Variants in SLC6A6 observed in about 807,000 individuals in gnomAD.
SLC6A6 encodes sodium- and chloride-dependent taurine transporter.
A neutral mutation model predicts 68.8 loss-of-function variants in SLC6A6; 16 were observed. The observed-to-expected ratio is 0.23, with a 90% CI of 0.16 to 0.35. The LOEUF (loss-of-function observed/expected upper bound fraction) is 0.35, where lower values mean the gene tolerates loss of function less well. Ranked by LOEUF, SLC6A6 falls within the 10% of genes least tolerant of loss-of-function variation. The pLI is 1.00. For missense variants in SLC6A6, 474 were observed against 802.8 expected (o/e 0.59, Z 4.95); for synonymous variants, 312 against 315.4 (o/e 0.99, Z 0.12).
chr3:14,474,950 G>A (rs1700840253), intron 10 of SLC6A6, among the ~76,000 whole-genome samples: 1 of 152,348 alleles, frequency 6.6e-6, no homozygotes, highest in African/African-American at 2.4e-5. Flanking sequence ...ATACTGCTGC[G>A]CCTTTCTTGG....
intron 9 of SLC6A6, among the ~76,000 whole-genome samples, chr3:14,471,185 G>A (rs116756782): frequency 0.015 from 1,954 of 126,378 alleles, 44 homozygotes; most frequent in African/African-American, 0.056. Context: ...TGCTGCCCTC[G>A]CTTCTCAGAC....
rs555568772 is a variant in SLC6A6, at chr3:14,444,305, C to T, written c.229+442C>T. On this transcript the variant is annotated intron_variant, in intron 3 of 14. Transcript: ENST00000622186. ...ACTCCAGAAAGCAAATTCTGTTACCCGCTGTAGATGGAAAACTGGTATCAT... is the reference window on the plus strand; with the variant it reads ...ACTCCAGAAAGCAAATTCTGTTACCTGCTGTAGATGGAAAACTGGTATCAT... 2.6e-4 allele frequency: 48 copies of T among 187,050 alleles called. No individual in the cohort carries two copies. The South Asian group carries it at 3.6e-3, about 14-fold the overall frequency. The allele number at this position is 187,050 out of a possible 1,614,324, so 11.6% of individuals were successfully genotyped here.
At chr3:14,467,790 C>T in intron 7 of SLC6A6, 63 bp from the exon 8 acceptor site, 1 of 1,014,344 alleles carries the variant, frequency 9.9e-7, no homozygotes, top group Non-Finnish European at 1.5e-6. Flanking sequence ...CTCGCTGCCT[C>T]CTCCAGGAAG....
rs2124967100 is a variant in SLC6A6, at chr3:14,458,007, C to T, written c.657C>T (p.Asp219=). The change falls in exon 6 of 15, where the codon GAC becomes GAT. Residue 219 remains aspartate (D), a synonymous_variant. Transcript: ENST00000622186. The stretch of plus-strand genomic sequence containing the variant: ...ACCACCCAGGCTCTCTGAAATGGGA[C>T]CTCGCTCTCTGCCTTCTTTTAGTCT... The part of the protein sequence containing the change: ...GIDHPGSLKW[D]LALCLLLVWL... The T allele has an allele frequency of 6.2e-7, 1 of 1,613,744 alleles. No individual in the cohort carries two copies. Among genetic ancestry groups the T allele is most frequent in the Non-Finnish European group, 8.5e-7 (1 of 1,179,608 alleles).
At chr3:14,460,539 C>T (rs935861485) in intron 6 of SLC6A6, among the ~76,000 whole-genome samples, 1 of 152,114 alleles carries the variant, frequency 6.6e-6, no homozygotes, top group Non-Finnish European at 1.5e-5. Context: ...GTGTGTTTGA[C>T]CCAGACCCTT....
At chr3:14,427,110 G>A (rs1015635040) in intron 2 of SLC6A6, among the ~76,000 whole-genome samples, 1 of 144,916 alleles carries the variant, frequency 6.9e-6, no homozygotes, top group African/African-American at 2.9e-5. Context: ...GGTGTCTTCC[G>A]CACTCTCTGG....
chr3:14,484,993 G>A lies in SLC6A6; in HGVS notation c.1849G>A (p.Glu617Lys), dbSNP rs1245266539. ...ALVKPTHIIV[E>K]TMM ...CGTGAAACCGACCCACATCATTGTG[G>A]AGACCATGATGTGAGCTCTCTCGGG... The change falls in exon 15 of 15, where the codon GAG becomes AAG. Residue 617 changes from glutamate to lysine, a missense_variant. Glu to Lys is a moderately conservative substitution (Grantham distance 56, BLOSUM62 1). Transcript: ENST00000622186. The A allele has an allele frequency of 6.2e-7, 1 of 1,612,200 alleles. No homozygotes were observed.
intron 2 of SLC6A6, among the ~76,000 whole-genome samples, chr3:14,421,046 C>T (rs1180916060): frequency 2.6e-5 from 4 of 152,172 alleles, no homozygotes; most frequent in South Asian, 2.1e-4. Flanking sequence ...TCATTGACCC[C>T]GCAGGGGTTG....
At chr3:14,446,110 G>C (rs955481730) in intron 4 of SLC6A6, among the ~76,000 whole-genome samples, 1 of 152,228 alleles carries the variant, frequency 6.6e-6, no homozygotes, top group Non-Finnish European at 1.5e-5. Context: ...CTAGGTTGTT[G>C]CATAGAGAAG....
intron 2 of SLC6A6, among the ~76,000 whole-genome samples, chr3:14,425,609 G>GT (rs930816316): frequency 1.3e-5 from 2 of 149,152 alleles, no homozygotes; most frequent in African/African-American, 4.9e-5. Context: ...GGCCCAGGCT[G>GT]TACATGGGAG....
chr3:14,407,649 G>A lies in SLC6A6; in HGVS notation c.-54+4802G>A, dbSNP rs61702162. ...TTCCCAAGTAGCTGGGACTACAGGCGCACGCCACCACACCTGGCTAGTTTC... is the reference window on the plus strand; with the variant it reads ...TTCCCAAGTAGCTGGGACTACAGGCACACGCCACCACACCTGGCTAGTTTC... On this transcript the variant is annotated intron_variant, in intron 1 of 14. Coordinates refer to ENST00000622186, the MANE Select transcript of SLC6A6 (RefSeq NM_003043.6). Among the ~76,000 whole-genome samples, 1,121 of 151,976 alleles carry A rather than the reference G, an allele frequency of 7.4e-3. 10 individuals are homozygous for A. Among genetic ancestry groups the A allele is most frequent in the African/African-American group, 0.025 (1,050 of 41,446 alleles).
At chr3:14,434,585 G>T (rs182774585) in intron 2 of SLC6A6, among the ~76,000 whole-genome samples, 98 of 152,334 alleles carry the variant, frequency 6.4e-4, no homozygotes, top group Admixed American at 1.6e-3. Context: ...GAGATGCAGA[G>T]GGGAAGTGAC....
At chr3:14,448,216 T>G in intron 5 of SLC6A6, 1 of 414,014 alleles carries the variant, frequency 2.4e-6, no homozygotes, top group Non-Finnish European at 3.4e-6. Flanking sequence ...AGTAGTTAAG[T>G]GGAAAGTGAG....
At position 14,484,988 on chromosome 3, in the gene SLC6A6, T is replaced by C. The variant is rs534809733; in HGVS notation, c.1844T>C (p.Ile615Thr). The change falls in exon 15 of 15, where the codon ATT becomes ACT. Residue 615 changes from isoleucine to threonine, a missense_variant. Ile to Thr is a moderately conservative substitution (Grantham distance 89). Transcript: ENST00000622186. Reference sequence around the variant, plus strand: ...GCTCTCGTGAAACCGACCCACATCATTGTGGAGACCATGATGTGAGCTCTC... The same window carrying C: ...GCTCTCGTGAAACCGACCCACATCACTGTGGAGACCATGATGTGAGCTCTC... The part of the protein sequence containing the change: ...NGALVKPTHI[I>T]VETMM 1 of 1,612,644 alleles carries C rather than the reference T, an allele frequency of 6.2e-7. No individual in the cohort carries two copies. The highest frequency in any genetic ancestry group is 1.1e-5 in the South Asian group (1 of 90,934).
chr3:14,429,976 G>A (rs1017729383), intron 2 of SLC6A6, among the ~76,000 whole-genome samples: 3 of 152,078 alleles, frequency 2.0e-5, no homozygotes, highest in Non-Finnish European at 4.4e-5. Context: ...GATGCTAAAC[G>A]GAAGAGTCTT....
In SLC6A6 at chr3:14,481,614, GCCCCCCA is replaced by G; in HGVS notation, c.1552-50_1552-44del. 8.2e-7 allele frequency: 1 copy of G among 1,223,064 alleles called. No homozygotes were observed. Among genetic ancestry groups the G allele is most frequent in the Non-Finnish European group, 1.2e-6 (1 of 844,728 alleles). The allele number at this position is 1,223,064 out of a possible 1,614,324, so 75.8% of individuals were successfully genotyped here. A position where few individuals can be genotyped will look rare whatever the true frequency, so the allele number is the denominator to read the frequency against. ...GTTGAGGCCAGTCCTAGTCCCAGAA[GCCCCCCA>G]CCCCCCGATGCCCAGGACCCCTCTC... On this transcript the variant is annotated intron_variant, in intron 13 of 14. Transcript: ENST00000622186. This position sits in a 1 kb window ranked among gnomAD's most constrained non-coding sequence, Gnocchi z 4.7.
chr3:14,436,722 C>A (rs1035566357), intron 2 of SLC6A6, among the ~76,000 whole-genome samples: 1 of 152,042 alleles, frequency 6.6e-6, no homozygotes, highest in Non-Finnish European at 1.5e-5. Context: ...CATCAGAGTT[C>A]CCTGTTTGCT....
chr3:14,444,415 G>A, intron 3 of SLC6A6: 1 of 230,888 alleles, frequency 4.3e-6, no homozygotes, highest in Non-Finnish European at 8.8e-6. Flanking sequence ...TTGGGTTGAT[G>A]AGTTGGTTGG....
intron 2 of SLC6A6, among the ~76,000 whole-genome samples, chr3:14,417,576 C>CA (rs1379805789): frequency 6.6e-6 from 1 of 151,524 alleles, no homozygotes; most frequent in Non-Finnish European, 1.5e-5. Flanking sequence ...CTAAAAAACA[C>CA]AAAAAATTAG....
Sources: gnomAD v4.1 joint callset for allele counts (sites outside exome capture counted in the v4.1 genomes callset) on GRCh38, gnomAD v4.1.1 for gene constraint, Gnocchi (gnomAD v3.1) non-coding constraint, MANE v1.5 for transcripts, NCBI Gene and HGNC (gene_info 2026-07-23, HGNC 2026-07-21) for gene names.